SGF29: variants seen among roughly 807,000 people sequenced by gnomAD.
SGF29 encodes the protein SAGA-associated factor 29.
Under a neutral mutation model 38.1 loss-of-function variants are expected in SGF29, and 15 were observed. The observed-to-expected ratio is 0.39, with a 90% CI of 0.26 to 0.61. The LOEUF is 0.61. Among genes scored for constraint, SGF29 ranks in the 20% least tolerant of loss-of-function variants. The pLI, the probability that SGF29 is intolerant of heterozygous loss-of-function variation, is 0.49. For synonymous variants in SGF29, 151 were observed against 160.8 expected (o/e 0.94, Z 0.46); for missense variants, 184 against 394.6 (o/e 0.47, Z 4.52).
intron 3 of SGF29, 75 bp downstream of exon 3, chr16:28,585,063 T>TC: frequency 8.9e-7 from 1 of 1,129,082 alleles, no homozygotes; most frequent in Non-Finnish European, 1.3e-6. Flanking sequence ...GTGACCGAGG[T>TC]GGTCATTGTA....
intron 4 of SGF29, 77 bp downstream of exon 4, chr16:28,585,797 C>A: frequency 1.5e-6 from 2 of 1,330,072 alleles, no homozygotes; most frequent in Admixed American, 1.7e-5. Flanking sequence ...TGGACCAAGT[C>A]CCCAGCCTGC....
intron 1 of SGF29, among the ~76,000 whole-genome samples, chr16:28,564,761 ATG>A (rs1266682790): frequency 0.012 from 835 of 67,072 alleles, 16 homozygotes; most frequent in South Asian, 0.02. Context: ...ATATGTATAT[ATG>A]TATATATATG....
chr16:28,579,548 G>T (rs1400243266), intron 1 of SGF29, among the ~76,000 whole-genome samples: 1 of 150,888 alleles, frequency 6.6e-6, no homozygotes, highest in South Asian at 2.1e-4. Context: ...GAGCCACCAC[G>T]CCCGGCCCTA....
At chr16:28,564,402 C>T (rs1034426010) in intron 1 of SGF29, among the ~76,000 whole-genome samples, 4 of 150,380 alleles carry the variant, frequency 2.7e-5, no homozygotes, top group African/African-American at 7.3e-5. Flanking sequence ...GATCTTCCAC[C>T]GGGTTAGAGA....
At chr16:28,580,917 G>A in intron 1 of SGF29, 138 bp from the exon 2 acceptor site, 2 of 658,134 alleles carry the variant, frequency 3.0e-6, no homozygotes, top group East Asian at 2.8e-5. Flanking sequence ...CTGGCCTCAA[G>A]CAATCCTCCC....
intron 1 of SGF29, among the ~76,000 whole-genome samples, chr16:28,570,563 T>C (rs905523338): frequency 7.3e-6 from 1 of 137,094 alleles, no homozygotes; most frequent in African/African-American, 2.6e-5. Context: ...TTTATTTATT[T>C]ATTTATTTAT....
chr16:28,570,938 G>A, intron 1 of SGF29, among the ~76,000 whole-genome samples: 1 of 152,206 alleles, frequency 6.6e-6, no homozygotes, highest in Admixed American at 6.6e-5. Flanking sequence ...GTTGATGCTA[G>A]AATGAGTTTC....
intron 2 of SGF29, among the ~76,000 whole-genome samples, chr16:28,582,763 C>T (rs776351182): frequency 6.6e-6 from 1 of 151,936 alleles, no homozygotes; most frequent in East Asian, 1.9e-4. Context: ...GGCCAAATGG[C>T]GAAACTCCAT....
chr16:28,584,788 CAAAAA>C (rs377573618), intron 2 of SGF29, 120 bp from the exon 3 acceptor site: 843 of 416,150 alleles, frequency 2.0e-3, no homozygotes, highest in South Asian at 2.4e-3. Context: ...GACTCCATCT[CAAAAA>C]AAAAAAAAAA....
Position 28,560,575 on chromosome 16 carries a change from C to G in SGF29, c.-16+6478C>G, listed in dbSNP as rs190114122. Among the ~76,000 whole-genome samples the G allele has an allele frequency of 1.0e-3, 140 of 136,794 alleles. No individual in the cohort carries two copies. The East Asian group carries it at 0.021, about 20-fold the overall frequency. 89.7% of individuals were successfully genotyped at this position (136,794 alleles called of 152,430 possible). ...TTGCACTCCAGCCTGGGCAACAGAG[C>G]GAGACTCTGTCTCAAGAAAAAAAAA... On this transcript the variant is annotated intron_variant, in intron 1 of 9. Transcript: ENST00000317058.
chr16:28,589,223 G>A (rs556553598), intron 5 of SGF29, 59 bp downstream of exon 5: 28 of 1,584,884 alleles, frequency 1.8e-5, no homozygotes, highest in African/African-American at 2.7e-5. Context: ...GAGGCCCTGC[G>A]GGCAGCAGTC....
Position 28,591,715 on chromosome 16 carries a change from G to A in SGF29, c.*9G>A, listed in dbSNP as rs2046992697. ...AACCCAAGAAAAAGTGATGCCGCCT[G>A]GCAGACTCGCCATCCCCCAACGACA... On this transcript the variant is annotated 3_prime_UTR_variant, in exon 10 of 10. Coordinates refer to ENST00000317058, the MANE Select transcript of SGF29 (RefSeq NM_138414.3). 1.3e-6 allele frequency: 2 copies of A among 1,594,350 alleles called. No homozygotes were observed. Among genetic ancestry groups the A allele is most frequent in the Non-Finnish European group, 1.7e-6 (2 of 1,162,164 alleles).
Position 28,591,748 on chromosome 16 carries a change from G to T in SGF29, c.*42G>T. On this transcript the variant is annotated 3_prime_UTR_variant, in exon 10 of 10. Transcript: ENST00000317058. The stretch of plus-strand genomic sequence containing the variant: ...CGCCATCCCCCAACGACACAGGGCA[G>T]GACAGCAGAGGACGTGCTGGGATTA... The T allele has an allele frequency of 6.8e-7, 1 of 1,461,002 alleles. No homozygotes were observed. Among genetic ancestry groups the T allele is most frequent in the Non-Finnish European group, 9.6e-7 (1 of 1,044,034 alleles). 90.5% of individuals were successfully genotyped at this position (1,461,002 alleles called of 1,614,324 possible).
At chr16:28,570,293 G>A (rs1432199271) in intron 1 of SGF29, among the ~76,000 whole-genome samples, 1 of 152,218 alleles carries the variant, frequency 6.6e-6, no homozygotes, top group African/African-American at 2.4e-5. Context: ...GTTGAAGAAG[G>A]TTGTTCAGAA....
intron 9 of SGF29, among the ~76,000 whole-genome samples, chr16:28,591,206 C>T (rs1357879826): frequency 1.3e-5 from 2 of 152,192 alleles, no homozygotes; most frequent in Non-Finnish European, 2.9e-5. Flanking sequence ...GAGCCCTGGG[C>T]TCCTACCGCC....
At chr16:28,583,138 C>A (rs1004630733) in intron 2 of SGF29, among the ~76,000 whole-genome samples, 5 of 152,248 alleles carry the variant, frequency 3.3e-5, no homozygotes, top group African/African-American at 1.2e-4. Context: ...CCCTTTCAGG[C>A]ACCCAGTGTA....
At chr16:28,568,200 C>T (rs2046844865) in intron 1 of SGF29, among the ~76,000 whole-genome samples, 1 of 150,500 alleles carries the variant, frequency 6.6e-6, no homozygotes, top group South Asian at 2.1e-4. Context: ...ATAATCCCAG[C>T]TGCTCAGGAG....
chr16:28,565,830 C>T lies in SGF29; in HGVS notation c.-16+11733C>T, dbSNP rs114060302. 4.6e-3 allele frequency among the ~76,000 whole-genome samples: 692 copies of T among 152,028 alleles called. 7 individuals are homozygous for T. The highest frequency in any genetic ancestry group is 0.016 in the African/African-American group (675 of 41,460). The stretch of plus-strand genomic sequence containing the variant: ...GTGAAGGAAAGGATAGTGATTCAGT[C>T]AGCATTTATTGAGAACCCAGTGTGC... On this transcript the variant is annotated intron_variant, in intron 1 of 9. Coordinates refer to ENST00000317058, the MANE Select transcript of SGF29 (RefSeq NM_138414.3).
rs1473190042 is a variant in SGF29 at position 28,590,120 on chromosome 16, A to G, written c.314A>G (p.Asn105Ser). Residue 105 changes from asparagine (N) to serine (S), a missense_variant, in exon 6 of 10, where the codon AAT becomes AGT. Coordinates refer to ENST00000317058, the MANE Select transcript of SGF29 (RefSeq NM_138414.3). This position sits in a 1 kb window ranked among gnomAD's most constrained non-coding sequence, Gnocchi z 8.2. ...GCGGCCAAGATTGCCGGTCTCTACA[A>G]TGACTCGGAGCCACCCCGGAAGACC... ...RIAAKIAGLYNDSEPPRKTMR... is the reference protein window; with the variant it reads ...RIAAKIAGLYSDSEPPRKTMR... 8 of 1,611,776 alleles carry G rather than the reference A, an allele frequency of 5.0e-6. No individual in the cohort carries two copies. The South Asian group carries it at 5.5e-5, about 11-fold the overall frequency.
Sources: allele counts gnomAD v4.1 joint callset (sites outside exome capture counted in the v4.1 genomes callset), GRCh38; gene constraint gnomAD v4.1.1; non-coding constraint Gnocchi (gnomAD v3.1); transcripts MANE v1.5; gene names NCBI Gene and HGNC (gene_info 2026-07-23, HGNC 2026-07-21).